The following CRYBG1 variants were observed in gnomAD, a reference collection of about 807,000 sequenced individuals.
The protein encoded by CRYBG1 is beta/gamma crystallin domain-containing protein 1.
CRYBG1 carries 139 observed loss-of-function variants against 189.2 expected under a neutral mutation model. That is an observed-to-expected ratio of 0.73 (90% CI 0.64 to 0.85). The LOEUF (loss-of-function observed/expected upper bound fraction) is 0.85, where lower values mean the gene tolerates loss of function less well. Ranked by LOEUF, CRYBG1 falls within the 40% of genes least tolerant of loss-of-function variation. The pLI, the probability that CRYBG1 is intolerant of heterozygous loss-of-function variation, is 0.00. For synonymous variants in CRYBG1, 1,023 were observed against 1,017.1 expected, an observed-to-expected ratio of 1.01 and a Z score of -0.11; for missense variants, 2,611 against 2,675.8, an observed-to-expected ratio of 0.98 and a Z score of 0.53.
intron 1 of CRYBG1, among the ~76,000 whole-genome samples, chr6:106,418,052 G>C (rs1225189730): frequency 6.6e-6 from 1 of 152,236 alleles, no homozygotes; most frequent in African/African-American, 2.4e-5. Context: ...CTGAGCTCTT[G>C]TCCAGCATCC....
chr6:106,511,738 T>A lies in CRYBG1; in HGVS notation c.621T>A (p.Pro207=). 6.5e-7 allele frequency: 1 copy of A among 1,533,484 alleles called. No individual in the cohort carries two copies. The highest frequency in any genetic ancestry group is 8.7e-7 in the Non-Finnish European group (1 of 1,146,164). 95.0% of individuals were successfully genotyped at this position (1,533,484 alleles called of 1,614,324 possible). A position where few individuals can be genotyped will look rare whatever the true frequency, so the allele number is the denominator to read the frequency against. Residue 207 remains proline, a synonymous_variant, in exon 3 of 22, where the codon CCT becomes CCA. Transcript: ENST00000633556. ...LPESGGPAAP[P]DAELSPRWSS... ...AGAGCGGTGGCCCCGCAGCCCCCCCTGACGCCGAGCTGTCACCTCGCTGGA... is the reference window on the plus strand; with the variant it reads ...AGAGCGGTGGCCCCGCAGCCCCCCCAGACGCCGAGCTGTCACCTCGCTGGA...
chr6:106,553,068 C>T (rs1166069820), intron 15 of CRYBG1, among the ~76,000 whole-genome samples: 1 of 152,210 alleles, frequency 6.6e-6, no homozygotes, highest in Non-Finnish European at 1.5e-5. Context: ...CAGCAAGTGT[C>T]TTCCATTGAG....
intron 7 of CRYBG1, among the ~76,000 whole-genome samples, chr6:106,529,851 G>A (rs1773838236): frequency 6.6e-6 from 1 of 152,104 alleles, no homozygotes; most frequent in African/African-American, 2.4e-5. Flanking sequence ...CAGAGCAAAG[G>A]AACCAAAACC....
intron 10 of CRYBG1, among the ~76,000 whole-genome samples, chr6:106,543,076 A>G (rs1774172987): frequency 6.6e-6 from 1 of 150,804 alleles, no homozygotes; most frequent in African/African-American, 2.4e-5. Context: ...TCTGTCACCC[A>G]GGCTGGAGTG....
At chr6:106,467,829 T>C (rs911827260) in intron 2 of CRYBG1, among the ~76,000 whole-genome samples, 3 of 152,204 alleles carry the variant, frequency 2.0e-5, no homozygotes, top group African/African-American at 7.2e-5. Flanking sequence ...TTATACATTT[T>C]TGCTGCAGGA....
intron 2 of CRYBG1, among the ~76,000 whole-genome samples, chr6:106,452,241 T>C (rs1457495119): frequency 6.9e-5 from 8 of 115,974 alleles, no homozygotes; most frequent in African/African-American, 2.7e-4. Flanking sequence ...ACCCAGACTC[T>C]ACTAAAAAAA....
At chr6:106,464,509 T>A (rs1367828516) in intron 2 of CRYBG1, among the ~76,000 whole-genome samples, 1 of 128,420 alleles carries the variant, frequency 7.8e-6, no homozygotes, top group African/African-American at 2.9e-5. Context: ...AAAAAAAAAA[T>A]CTGAAAGTCA....
intron 3 of CRYBG1, among the ~76,000 whole-genome samples, chr6:106,515,762 TTTA>T (rs1773403790): frequency 8.0e-6 from 1 of 125,330 alleles, no homozygotes; most frequent in South Asian, 2.3e-4. Context: ...ATCAAATTTA[TTTA>T]TTTATTTATT....
At chr6:106,532,434 T>G (rs1773899238) in intron 8 of CRYBG1, among the ~76,000 whole-genome samples, 1 of 152,208 alleles carries the variant, frequency 6.6e-6, no homozygotes, top group African/African-American at 2.4e-5. Context: ...GTAGTGAGAT[T>G]GCAAGATCAC....
chr6:106,438,446 C>T (rs910223166), intron 1 of CRYBG1, among the ~76,000 whole-genome samples: 2 of 152,052 alleles, frequency 1.3e-5, no homozygotes, highest in Non-Finnish European at 2.9e-5. Context: ...GGACCGTGCT[C>T]CTTCTGAAGG....
chr6:106,516,931 G>T (rs910527435), intron 3 of CRYBG1, among the ~76,000 whole-genome samples: 1 of 151,716 alleles, frequency 6.6e-6, no homozygotes, highest in Non-Finnish European at 1.5e-5. Context: ...TTTGTCAAGG[G>T]CTTGACAATC....
At chr6:106,426,438 T>C (rs1771228003) in intron 1 of CRYBG1, among the ~76,000 whole-genome samples, 1 of 152,206 alleles carries the variant, frequency 6.6e-6, no homozygotes, top group Non-Finnish European at 1.5e-5. Context: ...GAAGAGTGTT[T>C]ATACTTGCTA....
rs963380889 is a variant in CRYBG1 at position 106,517,349 on chromosome 6, CAT to C, written c.1923-1772_1923-1771del. Among the ~76,000 whole-genome samples the C allele has an allele frequency of 7.2e-4, 60 of 83,904 alleles. 1 individual carries two copies. In the South Asian group the frequency reaches 0.011, roughly 15 times the overall value. 55.0% of individuals were successfully genotyped at this position (83,904 alleles called of 152,430 possible). ...ATATACACATATATATATACACACA[CAT>C]ATATATATACACATATATACACACA... On this transcript the variant is annotated intron_variant, in intron 3 of 21. Coordinates refer to ENST00000633556, the MANE Select transcript of CRYBG1 (RefSeq NM_001371242.2).
In CRYBG1 at chr6:106,557,825, C is replaced by A. The variant is rs1774591438; in HGVS notation, c.5716-661C>A. 2.0e-5 allele frequency among the ~76,000 whole-genome samples: 3 copies of A among 152,330 alleles called. No homozygotes were observed. The South Asian group carries it at 6.2e-4, about 32-fold the overall frequency. On this transcript the variant is annotated intron_variant, in intron 17 of 21. Coordinates refer to ENST00000633556, the MANE Select transcript of CRYBG1 (RefSeq NM_001371242.2). ...CAAAAGTGTCTATAATTTGAAAAAA[C>A]AGGCATAAGCTGCCAACTTTTCATT...
chr6:106,500,721 T>C (rs1188110138), intron 2 of CRYBG1, among the ~76,000 whole-genome samples: 2 of 152,356 alleles, frequency 1.3e-5, no homozygotes, highest in South Asian at 4.1e-4. Flanking sequence ...GGGTCAAATA[T>C]GTATTTATTT....
At chr6:106,379,220 T>C (rs923719046) in intron 1 of CRYBG1, among the ~76,000 whole-genome samples, 1 of 152,206 alleles carries the variant, frequency 6.6e-6, no homozygotes, top group Non-Finnish European at 1.5e-5. Context: ...AACACTTATT[T>C]GATTAGTAAA....
In CRYBG1 at chr6:106,513,001, C is replaced by T. The variant is rs759612205; in HGVS notation, c.1884C>T (p.Phe628=). 2.4e-5 allele frequency: 39 copies of T among 1,608,630 alleles called. No individual in the cohort carries two copies. The highest frequency in any genetic ancestry group is 1.5e-4 in the Admixed American group (9 of 59,964). The part of the protein sequence containing the change: ...DADGLKPRNH[F]GVGRSTVTTK... The stretch of plus-strand genomic sequence containing the variant: ...ACGGCTTGAAGCCCAGGAACCATTT[C>T]GGCGTGGGCAGGTCGACAGTGACCA... The change falls in exon 3 of 22, where the codon TTC becomes TTT. Residue 628 remains phenylalanine (F), a synonymous_variant. Transcript: ENST00000633556.
chr6:106,482,523 C>G (rs1367414370), intron 2 of CRYBG1, among the ~76,000 whole-genome samples: 4 of 152,152 alleles, frequency 2.6e-5, no homozygotes, highest in Admixed American at 2.6e-4. Context: ...CGCCTATAAT[C>G]CCAGCACTTT....
At chr6:106,366,316 A>G (rs1054423099) in intron 1 of CRYBG1, among the ~76,000 whole-genome samples, 22 of 152,266 alleles carry the variant, frequency 1.4e-4, no homozygotes, top group African/African-American at 5.3e-4. Flanking sequence ...TTTTCCTTAT[A>G]CTAAAGGAAA....
Sources: gnomAD v4.1 joint callset for allele counts (sites outside exome capture counted in the v4.1 genomes callset) on GRCh38, gnomAD v4.1.1 for gene constraint, MANE v1.5 for transcripts, NCBI Gene and HGNC (gene_info 2026-07-23, HGNC 2026-07-21) for gene names.